GAS2: variants seen among roughly 807,000 people sequenced by gnomAD.
GAS2 encodes the protein growth arrest specific 2, also known as growth arrest-specific protein 2.
A neutral mutation model predicts 37.5 loss-of-function variants in GAS2; 20 were observed. The observed-to-expected ratio is 0.53, with a 90% CI of 0.37 to 0.77. The LOEUF is 0.77. Ranked by LOEUF, GAS2 falls within the 30% of genes least tolerant of loss-of-function variation. The probability of loss-of-function intolerance (pLI) is 0.00; values close to 1 mark genes in which losing one functional copy is unlikely to be tolerated. For synonymous variants in GAS2, 144 were observed against 132.2 expected, an observed-to-expected ratio of 1.09 and a Z score of -0.61; for missense variants, 336 against 373.4, an observed-to-expected ratio of 0.90 and a Z score of 0.82.
chr11:22,723,761 G>A (rs974666447), intron 3 of GAS2, among the ~76,000 whole-genome samples: 4 of 151,710 alleles, frequency 2.6e-5, no homozygotes, highest in African/African-American at 9.7e-5. Context: ...ATTTAATTTT[G>A]TTCTTTTCCT....
chr11:22,715,549 A>G (rs930790617), intron 3 of GAS2, among the ~76,000 whole-genome samples: 2 of 151,772 alleles, frequency 1.3e-5, no homozygotes, highest in African/African-American at 4.8e-5. Context: ...ACGAAAGACC[A>G]TTTAAGGCTA....
At chr11:22,751,826 G>C (rs1853751902) in intron 6 of GAS2, among the ~76,000 whole-genome samples, 1 of 151,956 alleles carries the variant, frequency 6.6e-6, no homozygotes, top group Non-Finnish European at 1.5e-5. Flanking sequence ...TTCAGAAAAA[G>C]AGAGTGAAAT....
intron 3 of GAS2, chr11:22,688,374 C>T (rs931009416): frequency 6.6e-6 from 1 of 152,050 alleles, no homozygotes; most frequent in African/African-American, 2.4e-5. Context: ...CCACCCTGAA[C>T]ATGCCCAGTC....
chr11:22,708,442 T>A (rs1979424), intron 3 of GAS2, among the ~76,000 whole-genome samples: 136,055 of 152,076 alleles, frequency 0.89, 62,633 homozygotes, highest in East Asian at 1. Context: ...TTCTGTTTAA[T>A]CTTATATAAC....
chr11:22,711,420 T>A (rs1157289165), intron 3 of GAS2, among the ~76,000 whole-genome samples: 1 of 152,150 alleles, frequency 6.6e-6, no homozygotes, highest in East Asian at 1.9e-4. Flanking sequence ...GTGCACAGGG[T>A]GAGGTAAGCT....
At chr11:22,789,431 T>TAAATATATATATATATATATAA (rs1328190094) in intron 7 of GAS2, among the ~76,000 whole-genome samples, 2 of 90,904 alleles carry the variant, frequency 2.2e-5, no homozygotes, top group African/African-American at 8.3e-5. Flanking sequence ...ATGAGATATA[T>TAAATATATATATATATATATAA]ATATATATAT....
intron 7 of GAS2, among the ~76,000 whole-genome samples, chr11:22,801,152 G>A (rs533092304): frequency 6.6e-6 from 1 of 151,944 alleles, no homozygotes; most frequent in African/African-American, 2.4e-5. Flanking sequence ...TCCATATAAT[G>A]TGATTCCAGC....
chr11:22,770,305 A>C (rs964820355), intron 7 of GAS2, among the ~76,000 whole-genome samples: 12 of 152,226 alleles, frequency 7.9e-5, no homozygotes, highest in Admixed American at 3.9e-4. Flanking sequence ...CCTGGAACTT[A>C]CATAAAGTTT....
intron 7 of GAS2, among the ~76,000 whole-genome samples, chr11:22,760,922 G>T (rs966904502): frequency 1.3e-5 from 2 of 152,124 alleles, no homozygotes; most frequent in Non-Finnish European, 1.5e-5. Context: ...CATTTGAATC[G>T]CCCTTTTGCT....
chr11:22,799,638 AT>A (rs1412733650), intron 7 of GAS2, among the ~76,000 whole-genome samples: 1 of 151,976 alleles, frequency 6.6e-6, no homozygotes, highest in Non-Finnish European at 1.5e-5. Context: ...ATTCACACAG[AT>A]TTTTTTCAGA....
chr11:22,682,476 A>G (rs1032580720), intron 2 of GAS2, among the ~76,000 whole-genome samples: 17 of 152,224 alleles, frequency 1.1e-4, no homozygotes, highest in African/African-American at 3.9e-4. Context: ...AACAATTTAG[A>G]GTAAAGTTTA....
intron 7 of GAS2, among the ~76,000 whole-genome samples, chr11:22,762,727 T>C (rs1854463744): frequency 6.6e-6 from 1 of 152,208 alleles, no homozygotes; most frequent in South Asian, 2.1e-4. Context: ...ATAAAAAGTA[T>C]GATAATATTT....
chr11:22,759,228 T>A (rs777270575), intron 7 of GAS2, among the ~76,000 whole-genome samples: 1 of 152,222 alleles, frequency 6.6e-6, no homozygotes, highest in East Asian at 1.9e-4. Flanking sequence ...ACTAAGCATA[T>A]GTCTTGTCTG....
chr11:22,702,447 A>G (rs539000236), intron 3 of GAS2: 1 of 152,304 alleles, frequency 6.6e-6, no homozygotes, highest in South Asian at 2.1e-4. Flanking sequence ...AAATCTTTGG[A>G]CAAGAGTATA....
At chr11:22,720,023 G>A (rs1216241331) in intron 3 of GAS2, among the ~76,000 whole-genome samples, 1 of 151,960 alleles carries the variant, frequency 6.6e-6, no homozygotes, top group African/African-American at 2.4e-5. Context: ...TCAAACATTA[G>A]TTTATATTAC....
intron 4 of GAS2, among the ~76,000 whole-genome samples, chr11:22,727,647 C>A (rs879381976): frequency 2.6e-5 from 4 of 151,972 alleles, no homozygotes; most frequent in Non-Finnish European, 5.9e-5. Flanking sequence ...AGAATGATCT[C>A]ACAGTAGTCT....
chr11:22,654,808 C>A (rs1376375789), intron 1 of GAS2, among the ~76,000 whole-genome samples: 2 of 152,020 alleles, frequency 1.3e-5, no homozygotes, highest in East Asian at 1.9e-4. Flanking sequence ...ATATTCCTTG[C>A]CCAGGTAGTA....
intron 1 of GAS2, among the ~76,000 whole-genome samples, chr11:22,650,778 T>C (rs1180046903): frequency 6.6e-6 from 1 of 152,210 alleles, no homozygotes; most frequent in Non-Finnish European, 1.5e-5. Context: ...TTGGTAGATC[T>C]TCCTCCATCC....
At chr11:22,746,836 C>T (rs1328777368) in intron 5 of GAS2, among the ~76,000 whole-genome samples, 1 of 152,120 alleles carries the variant, frequency 6.6e-6, no homozygotes, top group Non-Finnish European at 1.5e-5. Flanking sequence ...TGCACATGTA[C>T]CCCTGAATCT....
Sources: gnomAD v4.1 joint callset for allele counts (sites outside exome capture counted in the v4.1 genomes callset) on GRCh38, gnomAD v4.1.1 for gene constraint, MANE v1.5 for transcripts, NCBI Gene and HGNC (gene_info 2026-07-23, HGNC 2026-07-21) for gene names.